The following GRID1 variants were observed in gnomAD, a reference collection of about 807,000 sequenced individuals.
GRID1 encodes the protein glutamate receptor ionotropic, delta-1.
A neutral mutation model predicts 98.0 loss-of-function variants in GRID1; 28 were observed. The ratio of observed to expected loss-of-function variants is 0.29; its 90% CI spans 0.21 to 0.39. The LOEUF (loss-of-function observed/expected upper bound fraction) is 0.39. Among genes scored for constraint, GRID1 ranks in the 10% least tolerant of loss-of-function variants. The probability of loss-of-function intolerance (pLI) is 1.00; values close to 1 mark genes in which losing one functional copy is unlikely to be tolerated. For synonymous variants in GRID1, 553 were observed against 538.5 expected, an observed-to-expected ratio of 1.03 and a Z score of -0.37; for missense variants, 1,111 against 1,340.5, an observed-to-expected ratio of 0.83 and a Z score of 2.67.
chr10:85,905,046 T>C (rs909858408), intron 5 of GRID1, among the ~76,000 whole-genome samples: 1 of 150,686 alleles, frequency 6.6e-6, no homozygotes, highest in African/African-American at 2.4e-5. Context: ...CACACAAAAA[T>C]AAAAACAAGA....
intron 12 of GRID1, among the ~76,000 whole-genome samples, chr10:85,669,915 G>A (rs1286436393): frequency 6.6e-6 from 1 of 152,194 alleles, no homozygotes; most frequent in East Asian, 1.9e-4. Context: ...TGCTTTTCAT[G>A]CAGCATCATA....
At chr10:86,022,090 A>C (rs1030354675) in intron 4 of GRID1, among the ~76,000 whole-genome samples, 1 of 152,250 alleles carries the variant, frequency 6.6e-6, no homozygotes, top group African/African-American at 2.4e-5. Context: ...TAATCAATAT[A>C]AAAACTATTA....
At chr10:85,878,731 G>C (rs1366352159) in intron 5 of GRID1, among the ~76,000 whole-genome samples, 3 of 152,036 alleles carry the variant, frequency 2.0e-5, no homozygotes, top group Non-Finnish European at 4.4e-5. Flanking sequence ...AAAATAACCA[G>C]CTAACATCAT....
chr10:85,619,788 A>T, intron 14 of GRID1, 79 bp downstream of exon 14: 1 of 1,110,656 alleles, frequency 9.0e-7, no homozygotes, highest in Non-Finnish European at 1.3e-6. Flanking sequence ...ATTGGCTCTT[A>T]TCTTCTAAGA....
chr10:86,102,030 T>C (rs777091315), intron 4 of GRID1, among the ~76,000 whole-genome samples: 10 of 152,246 alleles, frequency 6.6e-5, no homozygotes, highest in Admixed American at 5.2e-4. Flanking sequence ...AGGATGATTC[T>C]GAGAACGAAT....
At chr10:85,793,879 C>G (rs138741756) in intron 8 of GRID1, among the ~76,000 whole-genome samples, 1 of 151,820 alleles carries the variant, frequency 6.6e-6, no homozygotes, top group African/African-American at 2.4e-5. Context: ...CCAGGAATGA[C>G]AACAAGAACA....
At chr10:86,028,874 A>C (rs1241958464) in intron 4 of GRID1, among the ~76,000 whole-genome samples, 1 of 152,200 alleles carries the variant, frequency 6.6e-6, no homozygotes, top group African/African-American at 2.4e-5. Flanking sequence ...GTAAAATCTA[A>C]AGGTAAGAAA....
intron 5 of GRID1, among the ~76,000 whole-genome samples, chr10:85,878,764 A>T (rs1460120432): frequency 3.9e-5 from 6 of 152,164 alleles, no homozygotes; most frequent in Admixed American, 3.9e-4. Context: ...AAATTCACAC[A>T]TAACAATATT....
intron 8 of GRID1, among the ~76,000 whole-genome samples, chr10:85,797,868 T>C (rs1199170306): frequency 6.6e-6 from 1 of 152,224 alleles, no homozygotes; most frequent in Admixed American, 6.5e-5. Flanking sequence ...CTTAGCATTA[T>C]AGCCTCCAGC....
At chr10:86,051,113 T>C (rs187142968) in intron 4 of GRID1, among the ~76,000 whole-genome samples, 2 of 151,302 alleles carry the variant, frequency 1.3e-5, no homozygotes, top group African/African-American at 4.8e-5. Flanking sequence ...TTTAAAAATA[T>C]ATAGAATAAA....
intron 4 of GRID1, among the ~76,000 whole-genome samples, chr10:85,988,355 T>A (rs921263946): frequency 6.6e-6 from 1 of 152,222 alleles, no homozygotes; most frequent in Non-Finnish European, 1.5e-5. Context: ...GTTGCATGAA[T>A]GAAATATAAG....
At chr10:85,917,203 G>A (rs747289600) in intron 4 of GRID1, among the ~76,000 whole-genome samples, 51 of 152,124 alleles carry the variant, frequency 3.4e-4, no homozygotes, top group Non-Finnish European at 3.5e-4. Flanking sequence ...TGCTGAGCCT[G>A]GGCACTGAGC....
At chr10:85,952,089 A>G (rs1162100755) in intron 4 of GRID1, among the ~76,000 whole-genome samples, 2 of 152,246 alleles carry the variant, frequency 1.3e-5, no homozygotes, top group Non-Finnish European at 2.9e-5. Flanking sequence ...CCTTTCAAAA[A>G]CAAGACTTAC....
chr10:86,088,982 T>C (rs1359008496), intron 4 of GRID1, among the ~76,000 whole-genome samples: 1 of 151,786 alleles, frequency 6.6e-6, no homozygotes, highest in Non-Finnish European at 1.5e-5. Context: ...CAGAAAACTT[T>C]CAGATAATTG....
intron 8 of GRID1, among the ~76,000 whole-genome samples, chr10:85,838,347 A>G (rs1842930132): frequency 6.6e-6 from 1 of 152,178 alleles, no homozygotes; most frequent in African/African-American, 2.4e-5. Flanking sequence ...ATCATCCCCA[A>G]TACACATAAT....
In GRID1 at chr10:86,077,125, C is replaced by T. The variant is rs1191243783; in HGVS notation, c.726+61694G>A. 3.7e-5 allele frequency among the ~76,000 whole-genome samples: 5 copies of T among 136,590 alleles called. No homozygotes were observed. The South Asian group carries it at 1.2e-3, about 34-fold the overall frequency. 89.6% of individuals were successfully genotyped at this position (136,590 alleles called of 152,430 possible). Reference sequence around the variant, plus strand: ...GGACAGTGACAAACGAGGAGCCTTCCGCGGGGACCATGGTGGGTGAGTTGA... The same window carrying T: ...GGACAGTGACAAACGAGGAGCCTTCTGCGGGGACCATGGTGGGTGAGTTGA... On this transcript the variant is annotated intron_variant, in intron 4 of 15. Coordinates refer to ENST00000327946, the MANE Select transcript of GRID1 (RefSeq NM_017551.3).
intron 2 of GRID1, among the ~76,000 whole-genome samples, chr10:86,259,071 A>G (rs1947568): frequency 0.51 from 78,055 of 152,236 alleles, 23,858 homozygotes; most frequent in Non-Finnish European, 0.68. Flanking sequence ...TGAGGAAAAC[A>G]GAGCAGCTGT....
chr10:86,137,203 T>C (rs749179116), intron 4 of GRID1, among the ~76,000 whole-genome samples: 10 of 152,166 alleles, frequency 6.6e-5, no homozygotes, highest in Non-Finnish European at 1.5e-4. Context: ...CGAAAATGCA[T>C]GAATATGTGC....
At chr10:85,923,534 C>T (rs1841734566) in intron 4 of GRID1, among the ~76,000 whole-genome samples, 1 of 152,046 alleles carries the variant, frequency 6.6e-6, no homozygotes, top group South Asian at 2.1e-4. Context: ...CTCATCCAGC[C>T]CAGACCCTGA....
Sources: allele counts gnomAD v4.1 joint callset (sites outside exome capture counted in the v4.1 genomes callset), GRCh38; gene constraint gnomAD v4.1.1; transcripts MANE v1.5; gene names NCBI Gene and HGNC (gene_info 2026-07-23, HGNC 2026-07-21).